Variants in ST7 observed in about 807,000 individuals in gnomAD.
The protein encoded by ST7 is suppression of tumorigenicity 7.
A neutral mutation model predicts 78.7 loss-of-function variants in ST7; 28 were observed. The ratio of observed to expected loss-of-function variants is 0.36; its 90% confidence interval spans 0.26 to 0.49. ST7 has a LOEUF of 0.49. ST7 is among the 20% of genes least tolerant of loss of function. ST7 has a pLI of 0.99. For synonymous variants in ST7, 247 were observed against 249.6 expected, an observed-to-expected ratio of 0.99 and a Z score of 0.10; for missense variants, 418 against 696.0, an observed-to-expected ratio of 0.60 and a Z score of 4.49.
At chr7:117,166,524 T>C (rs1807567281) in intron 9 of ST7, among the ~76,000 whole-genome samples, 1 of 152,150 alleles carries the variant, frequency 6.6e-6, no homozygotes, top group Admixed American at 6.5e-5. Context: ...ATCTGCTTAT[T>C]TCCTTGGGAT....
Position 116,959,222 on chromosome 7 carries a change from C to T in ST7, c.151+5531C>T, listed in dbSNP as rs140141647. ...CACTTTCTTTGCTCATCAAAAGAAA[C>T]AGCTCTTTATCCGTTCAAGTTTTAC... On this transcript the variant is annotated intron_variant, in intron 1 of 15. Transcript: ENST00000323984. The T allele has an allele frequency of 1.3e-4, 62 of 470,878 alleles. No homozygotes were observed. The East Asian group carries it at 4.2e-3, about 32-fold the overall frequency. 29.2% of individuals were successfully genotyped at this position (470,878 alleles called of 1,614,324 possible).
intron 1 of ST7, chr7:116,956,968 A>C: frequency 4.7e-6 from 1 of 211,024 alleles, no homozygotes; most frequent in South Asian, 7.2e-5. Flanking sequence ...TCCCAAACAA[A>C]GGGACAAAGT....
At chr7:116,981,114 G>T (rs1028925461) in intron 1 of ST7, among the ~76,000 whole-genome samples, 29 of 145,402 alleles carry the variant, frequency 2.0e-4, no homozygotes, top group Non-Finnish European at 3.0e-4. Flanking sequence ...CAGTAGTTTT[G>T]TTTTTTTTTT....
At chr7:117,178,055 G>A (rs1808473680) in intron 10 of ST7, among the ~76,000 whole-genome samples, 2 of 152,174 alleles carry the variant, frequency 1.3e-5, no homozygotes, top group African/African-American at 4.8e-5. Flanking sequence ...AAATATGCTG[G>A]ATTATAGGAG....
intron 10 of ST7, among the ~76,000 whole-genome samples, chr7:117,186,794 C>T (rs187797414): frequency 6.6e-6 from 1 of 152,282 alleles, no homozygotes; most frequent in East Asian, 1.9e-4. Flanking sequence ...GAATTGTACC[C>T]TGTGAATGAA....
At chr7:117,114,108 G>A (rs1437436207) in intron 2 of ST7, among the ~76,000 whole-genome samples, 2 of 152,036 alleles carry the variant, frequency 1.3e-5, no homozygotes, top group Non-Finnish European at 2.9e-5. Flanking sequence ...CATAGCCCCC[G>A]CAACTGTTGA....
intron 1 of ST7, among the ~76,000 whole-genome samples, chr7:116,961,185 C>G (rs1792806127): frequency 6.6e-6 from 1 of 152,222 alleles, no homozygotes; most frequent in African/African-American, 2.4e-5. Context: ...GTTTTTGTAC[C>G]AGTATCATGC....
rs201580835 is a variant in ST7, at chr7:117,012,283, A to ATTT, written c.151+58606_151+58608dup. On this transcript the variant is annotated intron_variant, in intron 1 of 15. Transcript: ENST00000323984. The stretch of plus-strand genomic sequence containing the variant: ...ATTGGAAAGAACCTAGTTTTTTGAA[A>ATTT]TTTTTTTTTTTTTTTTGGCTTCCGT... Among the ~76,000 whole-genome samples, 854 of 142,348 alleles carry ATTT rather than the reference A, an allele frequency of 6.0e-3. 6 individuals are homozygous for ATTT. Among genetic ancestry groups the ATTT allele is most frequent in the Admixed American group, 0.011 (154 of 14,296 alleles). The allele number at this position is 142,348 out of a possible 152,430, so 93.4% of individuals were successfully genotyped here. A position where few individuals can be genotyped will look rare whatever the true frequency, so the allele number is the denominator to read the frequency against.
intron 9 of ST7, among the ~76,000 whole-genome samples, chr7:117,162,390 C>T (rs1807229802): frequency 6.6e-6 from 1 of 151,828 alleles, no homozygotes; most frequent in Non-Finnish European, 1.5e-5. Flanking sequence ...TAAGTTCTAA[C>T]CCATTTCTTT....
At chr7:116,966,897 A>G (rs1793146459) in intron 1 of ST7, among the ~76,000 whole-genome samples, 1 of 152,178 alleles carries the variant, frequency 6.6e-6, no homozygotes, top group African/African-American at 2.4e-5. Flanking sequence ...TTGCAGCACA[A>G]TGTTGTATGC....
intron 1 of ST7, among the ~76,000 whole-genome samples, chr7:117,058,076 C>G (rs1412938098): frequency 2.6e-5 from 4 of 151,988 alleles, no homozygotes; most frequent in African/African-American, 9.7e-5. Flanking sequence ...CTTTTTAATT[C>G]TTTATTGTTA....
intron 4 of ST7, among the ~76,000 whole-genome samples, chr7:117,130,136 T>G (rs1804227079): frequency 6.6e-6 from 1 of 151,902 alleles, no homozygotes; most frequent in Non-Finnish European, 1.5e-5. Context: ...GGAATATGGT[T>G]ATAGAGATGT....
At chr7:117,142,335 A>G (rs1461453818) in intron 9 of ST7, among the ~76,000 whole-genome samples, 1 of 152,148 alleles carries the variant, frequency 6.6e-6, no homozygotes, top group Non-Finnish European at 1.5e-5. Flanking sequence ...CATTCGGTCT[A>G]GAGCAGGATT....
intron 9 of ST7, among the ~76,000 whole-genome samples, chr7:117,147,088 GCTT>G (rs1563120558): frequency 6.6e-6 from 1 of 152,032 alleles, no homozygotes; most frequent in Non-Finnish European, 1.5e-5. Flanking sequence ...ATAGATCTCT[GCTT>G]CTTCCCTGTT....
chr7:116,962,366 T>A (rs190147944), intron 1 of ST7, among the ~76,000 whole-genome samples: 11 of 152,330 alleles, frequency 7.2e-5, no homozygotes, highest in Admixed American at 6.5e-4. Flanking sequence ...ATCGCCACAC[T>A]GTCTTCCACA....
At chr7:117,139,325 T>G (rs1805069634) in intron 9 of ST7, among the ~76,000 whole-genome samples, 1 of 152,214 alleles carries the variant, frequency 6.6e-6, no homozygotes, top group South Asian at 2.1e-4. Flanking sequence ...CATTTCATTC[T>G]TTTGCTGAAT....
chr7:117,094,963 A>G (rs1299195439), intron 1 of ST7, among the ~76,000 whole-genome samples: 1 of 152,208 alleles, frequency 6.6e-6, no homozygotes, highest in Admixed American at 6.5e-5. Flanking sequence ...AAGCATTAAA[A>G]GGAACACGGC....
At chr7:116,979,580 G>A (rs1031859751) in intron 1 of ST7, among the ~76,000 whole-genome samples, 5 of 151,876 alleles carry the variant, frequency 3.3e-5, no homozygotes, top group Admixed American at 1.3e-4. Context: ...CTTTATATAC[G>A]TTAAGTTACT....
chr7:117,101,414 C>T (rs1261192043), intron 2 of ST7, among the ~76,000 whole-genome samples: 1 of 152,002 alleles, frequency 6.6e-6, no homozygotes, highest in Non-Finnish European at 1.5e-5. Context: ...AGAGATGAGA[C>T]TCTCACTAAG....
Sources: gnomAD v4.1 joint callset for allele counts (sites outside exome capture counted in the v4.1 genomes callset) on GRCh38, gnomAD v4.1.1 for gene constraint, MANE v1.5 for transcripts, NCBI Gene and HGNC (gene_info 2026-07-23, HGNC 2026-07-21) for gene names.